Variants in DOP1A observed in about 807,000 individuals in gnomAD.
The protein encoded by DOP1A is DOP1 leucine zipper like protein A.
DOP1A carries 90 observed loss-of-function variants against 267.6 expected under a neutral mutation model. The ratio of observed to expected loss-of-function variants is 0.34; its 90% CI spans 0.28 to 0.40. The LOEUF (loss-of-function observed/expected upper bound fraction) is 0.40. DOP1A is among the 10% of genes least tolerant of loss of function. The probability of loss-of-function intolerance (pLI) is 1.00; values close to 1 mark genes in which losing one functional copy is unlikely to be tolerated. For missense variants in DOP1A, 2,437 were observed against 2,900.4 expected (o/e 0.84, Z 3.67); for synonymous variants, 932 against 999.1 (o/e 0.93, Z 1.27).
chr6:83,114,147 G>A (rs939695437), intron 7 of DOP1A, among the ~76,000 whole-genome samples: 24 of 152,180 alleles, frequency 1.6e-4, no homozygotes, highest in Admixed American at 5.9e-4. Context: ...TAACTGTAGT[G>A]AATTTGCATT....
chr6:83,086,329 T>C (rs751308183), intron 1 of DOP1A, among the ~76,000 whole-genome samples: 11 of 152,120 alleles, frequency 7.2e-5, no homozygotes, highest in Non-Finnish European at 1.5e-4. Context: ...AGAGAAAATA[T>C]ATGTACTGTT....
At chr6:83,077,896 T>C (rs1167748946) in intron 1 of DOP1A, among the ~76,000 whole-genome samples, 2 of 152,196 alleles carry the variant, frequency 1.3e-5, no homozygotes, top group Non-Finnish European at 2.9e-5. Context: ...AATCTCTTAA[T>C]GTTTTAAGAA....
Position 83,130,139 on chromosome 6 carries a change from G to C in DOP1A, c.2358G>C (p.Gln786His), listed in dbSNP as rs769887580. ...EKLETDCEHV[Q>H]PPQWLQTLMN... ...TTGTTTCAGACTGTGAGCATGTGCA[G>C]CCTCCACAGTGGCTCCAGACTCTGA... Residue 786 changes from glutamine to histidine, a missense_variant, in exon 17 of 39, where the codon CAG becomes CAC. By Grantham distance (24) the Gln-to-His change is conservative. This residue lies in a region of DOP1A where 878 missense variants were observed against 992.9 expected (regional missense o/e 0.88). Transcript: ENST00000349129. 3 of 1,613,752 alleles carry C rather than the reference G, an allele frequency of 1.9e-6. No homozygotes were observed. Among genetic ancestry groups the C allele is most frequent in the Non-Finnish European group, 2.5e-6 (3 of 1,179,848 alleles).
In DOP1A at chr6:83,162,700, G is replaced by C. The variant is rs1784512143; in HGVS notation, c.6963-90G>C. 5 of 1,393,784 alleles carry C rather than the reference G, an allele frequency of 3.6e-6. No individual in the cohort carries two copies. In the South Asian group the frequency reaches 6.9e-5, roughly 19 times the overall value. The allele number at this position is 1,393,784 out of a possible 1,614,324, so 86.3% of individuals were successfully genotyped here. On this transcript the variant is annotated intron_variant, in intron 37 of 38. Transcript: ENST00000349129. ...GCATTTGAATTTTTATAAGCAGTGG[G>C]GTCATGATCTTTCTACTACATTATG...
At chr6:83,098,937 A>G (rs898190095) in intron 3 of DOP1A, among the ~76,000 whole-genome samples, 2 of 152,204 alleles carry the variant, frequency 1.3e-5, no homozygotes, top group African/African-American at 4.8e-5. Context: ...GGTATGGGGC[A>G]GGACCCCTTC....
At position 83,128,960 on chromosome 6, in the gene DOP1A, CAG is replaced by C. The variant is rs1422655269; in HGVS notation, c.1798_1799del (p.Ser600TrpfsTer4). ...GAAAATCCACCAAGTAGTCGATCAT[CAG>C]AGAGTGGATTCACTGAGTTTATACA... On this transcript the variant is annotated frameshift_variant, in exon 16 of 39. Coordinates refer to ENST00000349129, the MANE Select transcript of DOP1A (RefSeq NM_015018.4). LOFTEE classifies it high-confidence loss of function. The C allele has an allele frequency of 6.3e-7, 1 of 1,591,966 alleles. No homozygotes were observed. Among genetic ancestry groups the C allele is most frequent in the Non-Finnish European group, 8.6e-7 (1 of 1,168,052 alleles).
intron 38 of DOP1A, chr6:83,166,609 T>C (rs1314342377): frequency 2.9e-5 from 21 of 727,182 alleles, no homozygotes; most frequent in Non-Finnish European, 4.1e-5. Context: ...TAACCACATT[T>C]ATTTAAGAAT....
At chr6:83,088,321 A>T (rs571859770) in intron 1 of DOP1A, among the ~76,000 whole-genome samples, 70 of 152,100 alleles carry the variant, frequency 4.6e-4, no homozygotes, top group African/African-American at 1.5e-3. Context: ...CAGTAAGGGC[A>T]TGGGAGATTG....
At chr6:83,152,082 A>C in intron 29 of DOP1A, 55 bp downstream of exon 29, 1 of 1,599,328 alleles carries the variant, frequency 6.3e-7, no homozygotes, top group Non-Finnish European at 8.6e-7. Flanking sequence ...ATATTTACTA[A>C]GAAATCATTT....
At position 83,151,924 on chromosome 6, in the gene DOP1A, TG is replaced by T; in HGVS notation, c.5948del (p.Gly1983ValfsTer22). ...TAGTGGATGCAATTGGTGCAATTGC[TG>T]GTTCTTCTCTGGAACAGACAACATG... ...KIVDAIGAIA[G>X]SSLEQTTWLR... On this transcript the variant is annotated frameshift_variant, in exon 29 of 39. Transcript: ENST00000349129. LOFTEE classifies it high-confidence loss of function. The T allele has an allele frequency of 6.2e-7, 1 of 1,613,852 alleles. No individual in the cohort carries two copies. The highest frequency in any genetic ancestry group is 8.5e-7 in the Non-Finnish European group (1 of 1,179,792).
intron 33 of DOP1A, 25 bp downstream of exon 33, chr6:83,154,266 A>C (rs777410172): frequency 1.1e-5 from 18 of 1,601,100 alleles, no homozygotes; most frequent in Non-Finnish European, 1.5e-5. Flanking sequence ...ATGACAATCC[A>C]AGTTCTTTCC....
rs1771609943 is a variant in DOP1A, at chr6:83,096,916, CT to C, written c.-53-5del. 6 of 1,577,624 alleles carry C rather than the reference CT, an allele frequency of 3.8e-6. No individual in the cohort carries two copies. In the East Asian group the frequency reaches 1.3e-4, roughly 35 times the overall value. On this transcript the variant is annotated splice_region_variant and splice_polypyrimidine_tract_variant and intron_variant, in intron 2 of 38. Transcript: ENST00000349129. ...GTAACCTTGGTTCCTCCTGCAAACTCTTTTGTAGGTAATGACTTTACATGAG... is the reference window on the plus strand; with the variant it reads ...GTAACCTTGGTTCCTCCTGCAAACTCTTTGTAGGTAATGACTTTACATGAG...
chr6:83,170,522 T>A (rs1330261172), downstream of DOP1A: 22 of 1,495,662 alleles, frequency 1.5e-5, no homozygotes, highest in Non-Finnish European at 2.0e-5. Context: ...TACACTTCCT[T>A]TCAGAAGCTT....
Position 83,129,210 on chromosome 6 carries a change from C to T in DOP1A, c.2043C>T (p.Val681=), listed in dbSNP as rs1259837207. The change falls in exon 16 of 39, where the codon GTC becomes GTT. Residue 681 remains valine, a synonymous_variant. Coordinates refer to ENST00000349129, the MANE Select transcript of DOP1A (RefSeq NM_015018.4). ...KTAMQCCLEY[V]QQFLTRLINL... ...CAATGCAGTGCTGCTTGGAGTATGT[C>T]CAACAGTTTCTTACCAGACTTATCA... The T allele has an allele frequency of 1.2e-6, 2 of 1,613,348 alleles. No homozygotes were observed. Among genetic ancestry groups the T allele is most frequent in the Admixed American group, 3.3e-5 (2 of 59,942 alleles).
chr6:83,096,488 A>G (rs1260029132), intron 1 of DOP1A, among the ~76,000 whole-genome samples: 1 of 150,426 alleles, frequency 6.6e-6, no homozygotes, highest in African/African-American at 2.5e-5. Context: ...CTTATTACTT[A>G]ATAAAATGAT....
At chr6:83,168,537 G>C, downstream of DOP1A, 1 of 1,005,136 alleles carries the variant, frequency 9.9e-7, no homozygotes, top group Non-Finnish European at 1.2e-6. Context: ...TATTAACCAT[G>C]TTCTGGTATC....
Position 83,147,218 on chromosome 6 carries a change from G to T in DOP1A, c.5677-18G>T. ...CAGTATTCTTCTTCACTACAAAATT[G>T]ATTTCTTTTATTTATAGAAACATCT... On this transcript the variant is annotated intron_variant, in intron 25 of 38. Coordinates refer to ENST00000349129, the MANE Select transcript of DOP1A (RefSeq NM_015018.4). The T allele has an allele frequency of 2.9e-6, 4 of 1,373,178 alleles. No individual in the cohort carries two copies. In the South Asian group the frequency reaches 4.2e-5, roughly 14 times the overall value. The allele number at this position is 1,373,178 out of a possible 1,614,324, so 85.1% of individuals were successfully genotyped here.
chr6:83,068,636 A>G (rs890004711), intron 1 of DOP1A, among the ~76,000 whole-genome samples: 1 of 152,230 alleles, frequency 6.6e-6, no homozygotes, highest in Non-Finnish European at 1.5e-5. Context: ...TAGAGAGAGA[A>G]AAATCTGTTT....
At chr6:83,159,612 CAAA>C (rs1264336111) in intron 36 of DOP1A, 181 bp from the exon 37 acceptor site, 3 of 699,874 alleles carry the variant, frequency 4.3e-6, no homozygotes, top group South Asian at 3.8e-5. Context: ...TTTGCATTCT[CAAA>C]GAAGAAAAGT....
Sources: gnomAD v4.1 joint callset for allele counts (sites outside exome capture counted in the v4.1 genomes callset) on GRCh38, gnomAD v4.1.1 for gene constraint, gnomAD v4.1.1 regional missense constraint, MANE v1.5 for transcripts, NCBI Gene and HGNC (gene_info 2026-07-23, HGNC 2026-07-21) for gene names.